The following DTWD2 variants were observed in gnomAD, a reference collection of about 807,000 sequenced individuals.
DTWD2 encodes tRNA-uridine aminocarboxypropyltransferase 2.
DTWD2 carries 39 observed loss-of-function variants against 31.8 expected under a neutral mutation model. That is an observed-to-expected ratio of 1.22 (90% CI 0.95 to 1.60). The LOEUF is 1.60. DTWD2 is among the 40% of genes most tolerant of loss of function. DTWD2 has a pLI of 0.00. For synonymous variants in DTWD2, 180 were observed against 142.8 expected, an observed-to-expected ratio of 1.26 and a Z score of -1.86; for missense variants, 515 against 381.5, an observed-to-expected ratio of 1.35 and a Z score of -2.92.
intron 4 of DTWD2, among the ~76,000 whole-genome samples, chr5:118,907,974 AT>A (rs1360117520): frequency 6.6e-6 from 1 of 152,226 alleles, no homozygotes; most frequent in African/African-American, 2.4e-5. Context: ...TTAAACAAAT[AT>A]TTGGGCACCC....
At chr5:118,843,991 C>T (rs1459343452) in intron 5 of DTWD2, among the ~76,000 whole-genome samples, 2 of 152,218 alleles carry the variant, frequency 1.3e-5, no homozygotes, top group African/African-American at 4.8e-5. Context: ...ACACCACCTT[C>T]CTTGCTCCTT....
chr5:118,970,770 CA>C (rs1317678580), intron 1 of DTWD2, among the ~76,000 whole-genome samples: 1 of 152,162 alleles, frequency 6.6e-6, no homozygotes, highest in East Asian at 1.9e-4. Context: ...AAGAGAAGTC[CA>C]TCAGACTAAA....
At chr5:118,938,051 T>G (rs1754084491) in intron 3 of DTWD2, among the ~76,000 whole-genome samples, 1 of 152,184 alleles carries the variant, frequency 6.6e-6, no homozygotes, top group African/African-American at 2.4e-5. Context: ...TAAATATAAC[T>G]TTTATCTATC....
Position 118,840,926 on chromosome 5 carries a change from A to G in DTWD2, c.888T>C (p.Val296=), listed in dbSNP as rs150816504. The change falls in exon 6 of 6, where the codon GTT becomes GTC. Residue 296 remains valine (V), a synonymous_variant. Coordinates refer to ENST00000510708, the MANE Select transcript of DTWD2 (RefSeq NM_173666.4). ...CAAAAGAATAACTGTACTAAATTTTAACACTATTCATTAACAATTCCATTT... is the reference window on the plus strand; with the variant it reads ...CAAAAGAATAACTGTACTAAATTTTGACACTATTCATTAACAATTCCATTT... ...LRKMELLMNS[V]KI 3.1e-4 allele frequency: 494 copies of G among 1,613,336 alleles called. No homozygotes were observed. The highest frequency in any genetic ancestry group is 4.1e-4 in the Non-Finnish European group (480 of 1,179,576).
intron 4 of DTWD2, among the ~76,000 whole-genome samples, chr5:118,907,500 G>A (rs929055768): frequency 1.4e-4 from 21 of 152,152 alleles, no homozygotes; most frequent in African/African-American, 5.1e-4. Flanking sequence ...GGAGGCCAAG[G>A]CGGGCAGATC....
intron 4 of DTWD2, among the ~76,000 whole-genome samples, chr5:118,888,360 A>G (rs906242253): frequency 1.3e-5 from 2 of 152,184 alleles, no homozygotes; most frequent in African/African-American, 4.8e-5. Flanking sequence ...TACAATAGGT[A>G]CTCATGTTTA....
At chr5:118,873,455 G>C (rs1255643645) in intron 4 of DTWD2, among the ~76,000 whole-genome samples, 2 of 152,204 alleles carry the variant, frequency 1.3e-5, no homozygotes, top group African/African-American at 2.4e-5. Flanking sequence ...CTGTCTGGTA[G>C]AGAGCTTCAG....
At chr5:118,880,841 AT>A in intron 4 of DTWD2, among the ~76,000 whole-genome samples, 1 of 152,304 alleles carries the variant, frequency 6.6e-6, no homozygotes, top group Admixed American at 6.5e-5. Context: ...TTGAAGAAGT[AT>A]TTTGTTTGGG....
intron 4 of DTWD2, among the ~76,000 whole-genome samples, chr5:118,883,027 A>G (rs1467180938): frequency 3.3e-5 from 5 of 152,206 alleles, no homozygotes; most frequent in African/African-American, 1.2e-4. Flanking sequence ...TCTCTTTTAA[A>G]CATAAGTTAA....
Position 118,852,286 on chromosome 5 carries a change from T to C in DTWD2, c.598-4068A>G, listed in dbSNP as rs1025830647. ...TCAAACACATGTTTTACAATCAATT[T>C]GTACAGTTAACGCAATCATCACAGA... On this transcript the variant is annotated intron_variant, in intron 4 of 5. Coordinates refer to ENST00000510708, the MANE Select transcript of DTWD2 (RefSeq NM_173666.4). 3.9e-5 allele frequency among the ~76,000 whole-genome samples: 6 copies of C among 152,198 alleles called. No homozygotes were observed. In the East Asian group the frequency reaches 1.2e-3, roughly 29 times the overall value.
intron 4 of DTWD2, among the ~76,000 whole-genome samples, chr5:118,901,303 A>C (rs919120935): frequency 1.3e-5 from 2 of 152,218 alleles, no homozygotes; most frequent in African/African-American, 4.8e-5. Flanking sequence ...TACATTGCAC[A>C]GTAAGTATTC....
At position 118,869,121 on chromosome 5, in the gene DTWD2, G is replaced by A. The variant is rs141826935; in HGVS notation, c.598-20903C>T. On this transcript the variant is annotated intron_variant, in intron 4 of 5. Coordinates refer to ENST00000510708, the MANE Select transcript of DTWD2 (RefSeq NM_173666.4). ...AGAAAAAGAGTTGCGAAAATGGATG[G>A]TGGTGGTGGTGGTGGTGGTGGTTGT... Among the ~76,000 whole-genome samples, 290 of 148,196 alleles carry A rather than the reference G, an allele frequency of 2.0e-3. 1 individual carries two copies. The highest frequency in any genetic ancestry group is 7.0e-3 in the Middle Eastern group (2 of 284).
chr5:118,851,846 A>G (rs1345529851), intron 4 of DTWD2, among the ~76,000 whole-genome samples: 1 of 151,980 alleles, frequency 6.6e-6, no homozygotes. Context: ...TAATAAAAAA[A>G]AAAAAAAGAA....
Position 118,840,765 on chromosome 5 carries a change from G to T in DTWD2, c.*152C>A. On this transcript the variant is annotated 3_prime_UTR_variant, in exon 6 of 6. Coordinates refer to ENST00000510708, the MANE Select transcript of DTWD2 (RefSeq NM_173666.4). ...TGAATTTCTGTTTATTTGTATTTAT[G>T]AATATTTGGTTTACTTCCTTCTTCT... 1.4e-6 allele frequency: 1 copy of T among 720,662 alleles called. No homozygotes were observed. Among genetic ancestry groups the T allele is most frequent in the Non-Finnish European group, 2.0e-6 (1 of 498,164 alleles). 44.6% of individuals were successfully genotyped at this position (720,662 alleles called of 1,614,324 possible).
chr5:118,868,899 G>A (rs1411582483), intron 4 of DTWD2, among the ~76,000 whole-genome samples: 2 of 149,320 alleles, frequency 1.3e-5, no homozygotes, highest in Non-Finnish European at 3.0e-5. Flanking sequence ...CTATGCCACA[G>A]CATGGAAAAT....
chr5:118,892,674 G>A (rs1410613667), intron 4 of DTWD2, among the ~76,000 whole-genome samples: 4 of 152,084 alleles, frequency 2.6e-5, no homozygotes, highest in African/African-American at 9.7e-5. Flanking sequence ...GGGAAAGGCT[G>A]CTGGGAAATA....
chr5:118,944,278 A>C (rs1754276463), intron 2 of DTWD2, among the ~76,000 whole-genome samples: 1 of 152,216 alleles, frequency 6.6e-6, no homozygotes, highest in African/African-American at 2.4e-5. Context: ...CTCTTTATTC[A>C]CAAAACCTCA....
At chr5:118,918,374 T>C (rs767234342) in intron 4 of DTWD2, among the ~76,000 whole-genome samples, 6 of 151,502 alleles carry the variant, frequency 4.0e-5, no homozygotes, top group Non-Finnish European at 8.8e-5. Context: ...TTGCCCAGGC[T>C]AGAGTGCAGT....
At chr5:118,933,058 A>T (rs1753962433) in intron 3 of DTWD2, among the ~76,000 whole-genome samples, 1 of 152,240 alleles carries the variant, frequency 6.6e-6, no homozygotes, top group East Asian at 1.9e-4. Flanking sequence ...CACAAATTTC[A>T]TAGTTAGGAG....
Sources: allele counts gnomAD v4.1 joint callset (sites outside exome capture counted in the v4.1 genomes callset), GRCh38; gene constraint gnomAD v4.1.1; transcripts MANE v1.5; gene names NCBI Gene and HGNC (gene_info 2026-07-23, HGNC 2026-07-21).